The following EZH2 variants were observed in gnomAD, a reference collection of about 807,000 sequenced individuals.
The protein encoded by EZH2 is histone-lysine N-methyltransferase EZH2.
A neutral mutation model predicts 98.4 loss-of-function variants in EZH2; 18 were observed. That is an observed-to-expected ratio of 0.18 (90% CI 0.13 to 0.27). EZH2 has a LOEUF of 0.27. Among genes scored for constraint, EZH2 ranks in the 10% least tolerant of loss-of-function variants. The pLI is 1.00. For synonymous variants in EZH2, 338 were observed against 312.3 expected (o/e 1.08, Z -0.87); for missense variants, 470 against 935.1 (o/e 0.50, Z 6.49).
At chr7:148,856,877 G>T (rs1816908283) in intron 1 of EZH2, among the ~76,000 whole-genome samples, 1 of 152,224 alleles carries the variant, frequency 6.6e-6, no homozygotes, top group African/African-American at 2.4e-5. Flanking sequence ...ACTGATACAT[G>T]AGTGTATGTC....
intron 16 of EZH2, among the ~76,000 whole-genome samples, chr7:148,810,735 G>A (rs1402563913): frequency 1.3e-5 from 2 of 152,030 alleles, no homozygotes; most frequent in African/African-American, 4.8e-5. Flanking sequence ...TTGGGAGGCC[G>A]AGGCGGGCAG....
intron 3 of EZH2, among the ~76,000 whole-genome samples, chr7:148,843,284 G>A (rs1172766909): frequency 6.6e-6 from 1 of 151,888 alleles, no homozygotes; most frequent in African/African-American, 2.4e-5. Flanking sequence ...AGGCTGAGGT[G>A]AGAGGATCGC....
At chr7:148,878,458 G>T (rs915274890) in intron 1 of EZH2, among the ~76,000 whole-genome samples, 1 of 152,274 alleles carries the variant, frequency 6.6e-6, no homozygotes, top group Admixed American at 6.5e-5. Context: ...CTCCTTTTAT[G>T]TCTGAATTAT....
At chr7:148,847,347 G>A (rs1218822949) in intron 1 of EZH2, 42 bp from the exon 2 acceptor site, 2 of 1,606,860 alleles carry the variant, frequency 1.2e-6, no homozygotes, top group Non-Finnish European at 1.7e-6. Flanking sequence ...AATCTAACCA[G>A]CCTGAATATG....
At chr7:148,836,078 G>C (rs1810847084) in intron 3 of EZH2, among the ~76,000 whole-genome samples, 2 of 152,154 alleles carry the variant, frequency 1.3e-5, no homozygotes, top group Admixed American at 1.3e-4. Context: ...CAAGAAATAA[G>C]CTCTCTGAGG....
chr7:148,841,291 T>G (rs1442665458), intron 3 of EZH2, among the ~76,000 whole-genome samples: 1 of 152,136 alleles, frequency 6.6e-6, no homozygotes, highest in Non-Finnish European at 1.5e-5. Context: ...TACATCTATT[T>G]CAGCCTAAAT....
intron 18 of EZH2, 51 bp downstream of exon 18, chr7:148,809,259 T>A (rs1802389210): frequency 1.3e-6 from 2 of 1,583,002 alleles, no homozygotes; most frequent in Non-Finnish European, 1.7e-6. Context: ...TTCAAGTCCA[T>A]CATCACAGGA....
At chr7:148,811,937 T>C in intron 15 of EZH2, 2 of 498,016 alleles carry the variant, frequency 4.0e-6, no homozygotes, top group South Asian at 5.3e-5. Flanking sequence ...AGAATCTCTG[T>C]CTTACAGAAA....
chr7:148,831,428 C>G (rs1178694483), intron 4 of EZH2, among the ~76,000 whole-genome samples: 1 of 152,154 alleles, frequency 6.6e-6, no homozygotes, highest in Non-Finnish European at 1.5e-5. Flanking sequence ...TCAATCATAT[C>G]CACATCATCC....
rs1231001121 is a variant in EZH2, at chr7:148,827,157, T to G, written c.728+7A>C. The stretch of plus-strand genomic sequence containing the variant: ...GGCAAGATTGCCTCAAAGGAACAAA[T>G]TCTTACTTTTCCTTTAGTTCTTCTG... On this transcript the variant is annotated splice_region_variant and intron_variant, in intron 7 of 19. Coordinates refer to ENST00000320356, the MANE Select transcript of EZH2 (RefSeq NM_004456.5). The G allele has an allele frequency of 2.5e-6, 4 of 1,606,602 alleles. No homozygotes were observed. The highest frequency in any genetic ancestry group is 1.3e-5 in the African/African-American group (1 of 74,484).
chr7:148,830,797 T>C (rs540785584), intron 4 of EZH2, among the ~76,000 whole-genome samples: 1 of 152,106 alleles, frequency 6.6e-6, no homozygotes, highest in Non-Finnish European at 1.5e-5. Flanking sequence ...TAAAGAAAGT[T>C]GACATTCATA....
chr7:148,860,669 C>CTTTTA (rs796643591), intron 1 of EZH2, among the ~76,000 whole-genome samples: 3 of 151,966 alleles, frequency 2.0e-5, no homozygotes, highest in Non-Finnish European at 2.9e-5. Flanking sequence ...TTACAATTTA[C>CTTTTA]TTTTATTTTA....
chr7:148,870,862 G>C (rs1423862032), intron 1 of EZH2, among the ~76,000 whole-genome samples: 2 of 151,632 alleles, frequency 1.3e-5, no homozygotes, highest in African/African-American at 2.4e-5. Flanking sequence ...CCAGGAGGCA[G>C]AGGCTGCAGT....
rs549691103 is a variant in EZH2, at chr7:148,876,820, T to C, written c.-8+7344A>G. Among the ~76,000 whole-genome samples the C allele has an allele frequency of 5.3e-5, 8 of 152,242 alleles. No individual in the cohort carries two copies. In the South Asian group the frequency reaches 1.5e-3, roughly 28 times the overall value. On this transcript the variant is annotated intron_variant, in intron 1 of 19. Coordinates refer to ENST00000320356, the MANE Select transcript of EZH2 (RefSeq NM_004456.5). The stretch of plus-strand genomic sequence containing the variant: ...CTCCCTTATATGTTCTTCAGGGAAG[T>C]GGGGTGGTATTGTTTTACAACTCTT...
chr7:148,850,351 C>A lies in EZH2; in HGVS notation c.-7-3046G>T, dbSNP rs573315813. 3 of 300,010 alleles carry A rather than the reference C, an allele frequency of 1.0e-5. No individual in the cohort carries two copies. The South Asian group carries it at 3.9e-4, about 39-fold the overall frequency. 18.6% of individuals were successfully genotyped at this position (300,010 alleles called of 1,614,324 possible). ...ATTTTTTAAGATACATATTTTATGT[C>A]TTGATGAAGACATTAGTTAGCATTT... On this transcript the variant is annotated intron_variant, in intron 1 of 19. Coordinates refer to ENST00000320356, the MANE Select transcript of EZH2 (RefSeq NM_004456.5).
At chr7:148,839,092 G>GGAAAGAAA (rs1419289351) in intron 3 of EZH2, among the ~76,000 whole-genome samples, 57 of 144,686 alleles carry the variant, frequency 3.9e-4, no homozygotes, top group African/African-American at 1.3e-3. Context: ...AAGGAAGGAA[G>GGAAAGAAA]GAAGGAAGGA....
intron 11 of EZH2, 83 bp downstream of exon 11, chr7:148,817,139 G>T (rs1477140875): frequency 3.0e-6 from 4 of 1,344,710 alleles, no homozygotes; most frequent in Non-Finnish European, 4.0e-6. Flanking sequence ...TAATAACCAA[G>T]AATTTTCTTT....
At chr7:148,844,759 T>C (rs1336904569) in intron 3 of EZH2, among the ~76,000 whole-genome samples, 2 of 152,314 alleles carry the variant, frequency 1.3e-5, no homozygotes, top group Non-Finnish European at 2.9e-5. Flanking sequence ...AAATTTCAAT[T>C]AGTAAATATC....
At chr7:148,813,502 A>C (rs1803739618) in intron 15 of EZH2, among the ~76,000 whole-genome samples, 1 of 151,994 alleles carries the variant, frequency 6.6e-6, no homozygotes, top group South Asian at 2.1e-4. Context: ...ACAGGAAGTA[A>C]GTCTATAAAA....
Sources: allele counts gnomAD v4.1 joint callset (sites outside exome capture counted in the v4.1 genomes callset), GRCh38; gene constraint gnomAD v4.1.1; transcripts MANE v1.5; gene names NCBI Gene and HGNC (gene_info 2026-07-23, HGNC 2026-07-21).